Variants in NAV3 observed in about 807,000 individuals in gnomAD.
NAV3 encodes neuron navigator 3.
NAV3 carries 87 observed loss-of-function variants against 244.7 expected under a neutral mutation model. That is an observed-to-expected ratio of 0.36 (90% CI 0.30 to 0.42). The LOEUF is 0.42. Among genes scored for constraint, NAV3 ranks in the 20% least tolerant of loss-of-function variants. The pLI is 1.00. For missense variants in NAV3, 2,663 were observed against 2,893.3 expected (o/e 0.92, Z 1.83); for synonymous variants, 1,126 against 1,042.2 (o/e 1.08, Z -1.55).
intron 1 of NAV3, among the ~76,000 whole-genome samples, chr12:77,931,060 AT>A (rs1888734377): frequency 8.9e-6 from 1 of 112,654 alleles, no homozygotes; most frequent in Non-Finnish European, 2.0e-5. Flanking sequence ...CACTTTGAAA[AT>A]TCTTTCCTAT....
chr12:77,605,304 T>C (rs899109426), intron 2 of NAV3, among the ~76,000 whole-genome samples: 43 of 152,244 alleles, frequency 2.8e-4, no homozygotes, highest in African/African-American at 1.0e-3. Context: ...TGAGAATCAA[T>C]AGCACCTGCC....
intron 21 of NAV3, among the ~76,000 whole-genome samples, chr12:78,147,346 T>G (rs1956903575): frequency 6.6e-6 from 1 of 152,078 alleles, no homozygotes. Context: ...TTTGCCTTAG[T>G]AGTAGTTATT....
chr12:77,670,376 T>C (rs978415087), intron 2 of NAV3, among the ~76,000 whole-genome samples: 1 of 152,130 alleles, frequency 6.6e-6, no homozygotes, highest in Non-Finnish European at 1.5e-5. Context: ...CAAAGGAGAC[T>C]GGTTCCAATC....
intron 12 of NAV3, among the ~76,000 whole-genome samples, chr12:78,102,518 G>A (rs1433817346): frequency 6.6e-6 from 1 of 152,166 alleles, no homozygotes; most frequent in African/African-American, 2.4e-5. Context: ...ACCATTCTGG[G>A]GTTTGGAGGA....
At chr12:78,061,958 TCTA>T (rs1168180168) in intron 12 of NAV3, among the ~76,000 whole-genome samples, 10 of 152,156 alleles carry the variant, frequency 6.6e-5, no homozygotes, top group African/African-American at 2.2e-4. Context: ...GAAATTTTAT[TCTA>T]CTAAAAACTA....
intron 2 of NAV3, among the ~76,000 whole-genome samples, chr12:77,572,499 C>G (rs1372190591): frequency 6.6e-6 from 1 of 152,074 alleles, no homozygotes; most frequent in Admixed American, 6.6e-5. Context: ...CTACTGTGTT[C>G]TCTCACTCTT....
Position 77,706,551 on chromosome 12 carries a change from A to C in NAV3, c.72+134285A>C, listed in dbSNP as rs564898967. ...TATCAATAATCCCACGGTGAAATTC[A>C]GAATATATGAGAGACCCATAATTAA... is the stretch of plus-strand genomic sequence containing the variant. On this transcript the variant is annotated intron_variant, in intron 2 of 8. Transcript: ENST00000550042. Among the ~76,000 whole-genome samples, 172 of 151,298 alleles carry C rather than the reference A, an allele frequency of 1.1e-3. 8 individuals carry two copies. Among genetic ancestry groups the C allele is most frequent in the African/African-American group, 3.6e-3 (148 of 40,764 alleles).
chr12:78,111,029 G>A (rs1270478232), intron 12 of NAV3, among the ~76,000 whole-genome samples: 3 of 151,992 alleles, frequency 2.0e-5, no homozygotes, highest in Admixed American at 6.6e-5. Context: ...AAGGATGAAT[G>A]GAGGGTAGGA....
At chr12:77,817,981 T>C (rs994430247) in intron 2 of NAV3, among the ~76,000 whole-genome samples, 2 of 152,168 alleles carry the variant, frequency 1.3e-5, no homozygotes, top group Non-Finnish European at 2.9e-5. Flanking sequence ...ATTGAGATAG[T>C]ACTTTTGAGA....
intron 23 of NAV3, among the ~76,000 whole-genome samples, chr12:78,168,072 T>C (rs1017420925): frequency 2.0e-5 from 3 of 151,732 alleles, no homozygotes; most frequent in Admixed American, 6.6e-5. Context: ...TTAACTATTA[T>C]ATAAAAATTG....
chr12:77,843,967 A>G (rs144697758), intron 1 of NAV3, among the ~76,000 whole-genome samples: 10 of 152,380 alleles, frequency 6.6e-5, no homozygotes, highest in Admixed American at 1.3e-4. Flanking sequence ...GCCGATACAT[A>G]AAATTTTTGC....
intron 2 of NAV3, among the ~76,000 whole-genome samples, chr12:77,777,529 C>G (rs1251962006): frequency 6.6e-6 from 1 of 152,188 alleles, no homozygotes; most frequent in Non-Finnish European, 1.5e-5. Context: ...AAGACTTTAT[C>G]ATGTTACTCA....
intron 34 of NAV3, 34 bp downstream of exon 34, chr12:78,190,253 T>C: frequency 6.5e-7 from 1 of 1,540,626 alleles, no homozygotes; most frequent in Non-Finnish European, 8.9e-7. Context: ...ACAGCTACAA[T>C]TTATCCATAA....
At position 78,118,155 on chromosome 12, in the gene NAV3, T is replaced by C. The variant is rs765129838; in HGVS notation, c.2898T>C (p.Ser966=). The C allele has an allele frequency of 1.9e-6, 3 of 1,614,084 alleles. No homozygotes were observed. Among genetic ancestry groups the C allele is most frequent in the East Asian group, 4.5e-5 (2 of 44,844 alleles). The change falls in exon 14 of 40, where the codon TCT becomes TCC. Residue 966 remains serine (S), a synonymous_variant. Coordinates refer to ENST00000397909, the MANE Select transcript of NAV3 (RefSeq NM_001024383.2). ...GTGGCAAGTGGAAGACTGTGTCCTC[T>C]GGACTTCCTGAAGACCCCGAGAAGG... is the stretch of plus-strand genomic sequence containing the variant. ...DAGGKWKTVS[S]GLPEDPEKAG...
chr12:77,998,566 T>A, intron 7 of NAV3, 90 bp downstream of exon 7: 1 of 1,399,000 alleles, frequency 7.1e-7, no homozygotes, highest in South Asian at 1.6e-5. Context: ...CGTAACAACT[T>A]TGGGCCTAGA....
chr12:77,597,501 G>C (rs879606530), intron 2 of NAV3, among the ~76,000 whole-genome samples: 2 of 152,044 alleles, frequency 1.3e-5, no homozygotes, highest in Non-Finnish European at 2.9e-5. Flanking sequence ...AATTGAATAA[G>C]ATTTTTGCTA....
chr12:77,707,056 T>A (rs192053470), intron 2 of NAV3, among the ~76,000 whole-genome samples: 43 of 151,736 alleles, frequency 2.8e-4, no homozygotes, highest in African/African-American at 1.0e-3. Context: ...ACCTTTTTTT[T>A]CTTTCTTTCT....
chr12:77,650,834 A>C (rs1872789839), intron 2 of NAV3, among the ~76,000 whole-genome samples: 1 of 152,110 alleles, frequency 6.6e-6, no homozygotes, highest in Non-Finnish European at 1.5e-5. Context: ...AAGTCTTATT[A>C]ATATCTATTA....
chr12:77,683,579 G>C (rs10160887), intron 2 of NAV3, among the ~76,000 whole-genome samples: 1 of 152,108 alleles, frequency 6.6e-6, no homozygotes, highest in African/African-American at 2.4e-5. Context: ...AATTTTGATA[G>C]AGATTGCACT....
Sources: allele counts gnomAD v4.1 joint callset (sites outside exome capture counted in the v4.1 genomes callset), GRCh38; gene constraint gnomAD v4.1.1; transcripts MANE v1.5; gene names NCBI Gene and HGNC (gene_info 2026-07-23, HGNC 2026-07-21).